Variants in ADAMTSL1 observed in about 807,000 individuals in gnomAD.
ADAMTSL1 encodes the protein ADAMTS like 1.
In ADAMTSL1, 126 loss-of-function variants were observed where a neutral mutation model predicts 201.8. That is an observed-to-expected ratio of 0.62 (90% CI 0.54 to 0.72). The LOEUF (loss-of-function observed/expected upper bound fraction) is 0.72. Ranked by LOEUF, ADAMTSL1 falls within the 30% of genes least tolerant of loss-of-function variation. The probability of loss-of-function intolerance (pLI) is 0.00; values close to 1 mark genes in which losing one functional copy is unlikely to be tolerated. For missense variants in ADAMTSL1, 2,679 were observed against 2,277.8 expected, an observed-to-expected ratio of 1.18 and a Z score of -3.59; for synonymous variants, 1,121 against 903.4, an observed-to-expected ratio of 1.24 and a Z score of -4.32.
At chr9:18,156,954 G>A (rs528207488) in intron 1 of ADAMTSL1, among the ~76,000 whole-genome samples, 1 of 152,160 alleles carries the variant, frequency 6.6e-6, no homozygotes, top group East Asian at 1.9e-4. Context: ...TATGTTTTGG[G>A]AAAGGTGCTG....
chr9:18,383,834 C>A (rs1419034939), intron 2 of ADAMTSL1, among the ~76,000 whole-genome samples: 2 of 152,156 alleles, frequency 1.3e-5, no homozygotes, highest in Non-Finnish European at 2.9e-5. Context: ...CTTTTGAATA[C>A]CTTTTTATGA....
chr9:17,958,408 G>A (rs1001205961), intron 1 of ADAMTSL1, among the ~76,000 whole-genome samples: 5 of 152,058 alleles, frequency 3.3e-5, no homozygotes, highest in Non-Finnish European at 7.4e-5. Flanking sequence ...TTTATCAAAG[G>A]CACAAGTTTT....
At position 18,010,008 on chromosome 9, in the gene ADAMTSL1, A is replaced by G. The variant is rs1408345920; in HGVS notation, c.87+103086A>G. Among the ~76,000 whole-genome samples, 3 of 152,050 alleles carry G rather than the reference A, an allele frequency of 2.0e-5. No homozygotes were observed. In the East Asian group the frequency reaches 5.8e-4, roughly 30 times the overall value. On this transcript the variant is annotated intron_variant, in intron 1 of 29. Transcript: ENST00000680146. ...GAAACTTCGAACCCATGCATCAATGATATGGGAAATTTAAACTCAATCTAA... is the reference window on the plus strand; with the variant it reads ...GAAACTTCGAACCCATGCATCAATGGTATGGGAAATTTAAACTCAATCTAA...
intron 1 of ADAMTSL1, among the ~76,000 whole-genome samples, chr9:17,941,356 C>G (rs2131347518): frequency 6.6e-6 from 1 of 152,224 alleles, no homozygotes; most frequent in East Asian, 1.9e-4. Flanking sequence ...GCCACAGCAG[C>G]CAGTGATGTA....
chr9:18,823,893 G>C (rs1354570962), intron 21 of ADAMTSL1, among the ~76,000 whole-genome samples: 2 of 152,104 alleles, frequency 1.3e-5, no homozygotes, highest in East Asian at 1.9e-4. Flanking sequence ...GGGAGGCTGA[G>C]ACAGGAGAAT....
chr9:18,223,248 T>C (rs1229793078), intron 2 of ADAMTSL1, among the ~76,000 whole-genome samples: 2 of 152,064 alleles, frequency 1.3e-5, no homozygotes, highest in Non-Finnish European at 2.9e-5. Flanking sequence ...AAGGAAATTA[T>C]CTTTGGTCAA....
intron 22 of ADAMTSL1, 86 bp downstream of exon 22, chr9:18,826,549 C>G: frequency 6.9e-7 from 1 of 1,453,882 alleles, no homozygotes; most frequent in East Asian, 2.5e-5. Context: ...GTGCCCTAAT[C>G]CAATTAAGGA....
chr9:18,399,318 T>TATATATATATATATATATACATAC (rs1563934781), intron 2 of ADAMTSL1, among the ~76,000 whole-genome samples: 1 of 100,796 alleles, frequency 9.9e-6, no homozygotes, highest in Non-Finnish European at 2.0e-5. Flanking sequence ...TATATATATA[T>TATATATATATATATATATACATAC]ATATATATAT....
At position 18,132,659 on chromosome 9, in the gene ADAMTSL1, G is replaced by A. The variant is rs1461739890; in HGVS notation, c.88-31203G>A. Among the ~76,000 whole-genome samples the A allele has an allele frequency of 5.3e-5, 8 of 152,026 alleles. No homozygotes were observed. In the South Asian group the frequency reaches 8.3e-4, roughly 16 times the overall value. ...TTGCCTCAGGCTTCTCCAACTTCCAGTCTATCATGTATGTTACTTTGAGCT... is the reference window on the plus strand; with the variant it reads ...TTGCCTCAGGCTTCTCCAACTTCCAATCTATCATGTATGTTACTTTGAGCT... On this transcript the variant is annotated intron_variant, in intron 1 of 29. Transcript: ENST00000680146.
At chr9:18,589,466 G>C (rs1358511481) in intron 4 of ADAMTSL1, among the ~76,000 whole-genome samples, 1 of 152,110 alleles carries the variant, frequency 6.6e-6, no homozygotes, top group East Asian at 1.9e-4. Flanking sequence ...AGTTATAAGA[G>C]TTTTGGGGGA....
intron 2 of ADAMTSL1, among the ~76,000 whole-genome samples, chr9:18,433,893 G>A (rs891215247): frequency 5.9e-5 from 9 of 152,146 alleles, no homozygotes; most frequent in Non-Finnish European, 1.3e-4. Flanking sequence ...TACAGAATGT[G>A]TCCATATAAT....
chr9:18,579,248 A>G (rs1201234755), intron 4 of ADAMTSL1, among the ~76,000 whole-genome samples: 1 of 150,216 alleles, frequency 6.7e-6, no homozygotes, highest in East Asian at 2.0e-4. Flanking sequence ...CGCAAGAACA[A>G]AAAACCAAAC....
At chr9:18,765,747 G>A (rs1391826701) in intron 16 of ADAMTSL1, among the ~76,000 whole-genome samples, 2 of 152,188 alleles carry the variant, frequency 1.3e-5, no homozygotes, top group Non-Finnish European at 2.9e-5. Flanking sequence ...CACTTAATAT[G>A]AGCAACAACA....
At chr9:18,100,904 A>G (rs909176116) in intron 1 of ADAMTSL1, among the ~76,000 whole-genome samples, 1 of 152,188 alleles carries the variant, frequency 6.6e-6, no homozygotes, top group African/African-American at 2.4e-5. Context: ...TGAGTTTCAA[A>G]TGTCCCCATT....
chr9:18,451,335 C>T (rs1293568892), intron 2 of ADAMTSL1, among the ~76,000 whole-genome samples: 1 of 152,092 alleles, frequency 6.6e-6, no homozygotes, highest in Non-Finnish European at 1.5e-5. Flanking sequence ...TTTTTTCAAC[C>T]TAGCTTATAA....
chr9:18,796,399 C>T (rs1822420208), intron 20 of ADAMTSL1: 1 of 152,230 alleles, frequency 6.6e-6, no homozygotes, highest in African/African-American at 2.4e-5. Context: ...CTGGGCCATC[C>T]AGTCTTTGTG....
intron 2 of ADAMTSL1, among the ~76,000 whole-genome samples, chr9:18,444,245 G>C (rs75613448): frequency 0.085 from 13,015 of 152,230 alleles, 678 homozygotes; most frequent in Non-Finnish European, 0.12. Flanking sequence ...ACTACTAAGG[G>C]TGAGGCATTG....
intron 15 of ADAMTSL1, among the ~76,000 whole-genome samples, chr9:18,730,963 T>A (rs1003396822): frequency 6.6e-6 from 1 of 152,250 alleles, no homozygotes; most frequent in African/African-American, 2.4e-5. Context: ...TGACACTTAC[T>A]CCACTATTAG....
At chr9:18,042,952 C>A (rs1156588870) in intron 1 of ADAMTSL1, among the ~76,000 whole-genome samples, 1 of 152,058 alleles carries the variant, frequency 6.6e-6, no homozygotes, top group Non-Finnish European at 1.5e-5. Flanking sequence ...GTAAATGCTT[C>A]ATGATAAGAA....
Sources: allele counts gnomAD v4.1 joint callset (sites outside exome capture counted in the v4.1 genomes callset), GRCh38; gene constraint gnomAD v4.1.1; transcripts MANE v1.5; gene names NCBI Gene and HGNC (gene_info 2026-07-23, HGNC 2026-07-21).